The following KDM6A variants were observed in gnomAD, a reference collection of about 807,000 sequenced individuals.
KDM6A encodes lysine-specific demethylase 6A.
A neutral mutation model predicts 117.6 loss-of-function variants in KDM6A; 11 were observed. The ratio of observed to expected loss-of-function variants is 0.09; its 90% CI spans 0.06 to 0.15. The LOEUF is 0.15. KDM6A is among the 10% of genes least tolerant of loss of function. KDM6A has a pLI of 1.00. For missense variants in KDM6A, 799 were observed against 1,077.3 expected (o/e 0.74, Z 3.62); for synonymous variants, 384 against 396.1 (o/e 0.97, Z 0.36).
intron 2 of KDM6A, among the ~76,000 whole-genome samples, chrX:44,919,821 G>T (rs1279105075): frequency 9.1e-6 from 1 of 110,132 alleles, no homozygotes; most frequent in Admixed American, 9.7e-5. Context: ...TGTTGACCAG[G>T]CTGGTCTTGA....
At chrX:44,979,004 T>C (rs971428332) in intron 4 of KDM6A, among the ~76,000 whole-genome samples, 1 of 112,397 alleles carries the variant, frequency 8.9e-6, no homozygotes, top group African/African-American at 3.2e-5. Context: ...TTTGGGTTGT[T>C]TTCAGCTTTT....
intron 18 of KDM6A, among the ~76,000 whole-genome samples, chrX:45,074,096 C>T (rs755366328): frequency 9.0e-6 from 1 of 111,606 alleles, no homozygotes; most frequent in African/African-American, 3.3e-5. Flanking sequence ...TACATATGAC[C>T]AGCCAGTTTT....
intron 2 of KDM6A, among the ~76,000 whole-genome samples, chrX:44,918,002 T>C (rs977045789): frequency 1.8e-5 from 2 of 111,916 alleles, no homozygotes; most frequent in Non-Finnish European, 3.8e-5. Context: ...ACTGGACATA[T>C]TCTTGAGTGA....
chrX:45,082,365 C>T (rs1462270728), intron 21 of KDM6A: 2 of 404,450 alleles, frequency 4.9e-6, no homozygotes, highest in African/African-American at 5.1e-5. Context: ...GCCCAGGAGG[C>T]AGAGGTTGCA....
At chrX:44,889,781 A>G (rs1348154465) in intron 2 of KDM6A, among the ~76,000 whole-genome samples, 1 of 112,676 alleles carries the variant, frequency 8.9e-6, no homozygotes, top group Admixed American at 9.5e-5. Context: ...TGGACATCAC[A>G]TGACAGATTG....
chrX:45,065,260 A>T (rs1229260337), intron 17 of KDM6A, among the ~76,000 whole-genome samples: 1 of 111,883 alleles, frequency 8.9e-6, no homozygotes, highest in East Asian at 2.8e-4. Flanking sequence ...TGCACATTTG[A>T]GGAGAATCAA....
rs200573468 is a variant in KDM6A at position 44,900,348 on chromosome X, ATAGG to A, written c.225+26366_225+26369del. On this transcript the variant is annotated intron_variant, in intron 2 of 29. Transcript: ENST00000611820. The stretch of plus-strand genomic sequence containing the variant: ...AAATGAATAAGCAAGGGAAAACTTA[ATAGG>A]TAGGAGGCATTAGTCTTCCTTAGGC... Among the ~76,000 whole-genome samples the A allele has an allele frequency of 6.8e-3, 767 of 112,099 alleles. 6 individuals are homozygous for A. The highest frequency in any genetic ancestry group is 0.024 in the African/African-American group (730 of 30,881).
intron 9 of KDM6A, 80 bp downstream of exon 9, chrX:45,051,882 C>A: frequency 1.8e-6 from 1 of 543,717 alleles, no homozygotes; most frequent in Non-Finnish European, 3.1e-6. Flanking sequence ...AAATATGTGG[C>A]TCATATATTC....
chrX:44,911,823 G>T (rs1399023704), intron 2 of KDM6A, among the ~76,000 whole-genome samples: 2 of 112,015 alleles, frequency 1.8e-5, no homozygotes, highest in Non-Finnish European at 3.8e-5. Flanking sequence ...TTAGGAGCTG[G>T]AGACCAGCCC....
rs1432450743 is a variant in KDM6A, at chrX:45,069,649, C to T, written c.2150C>T (p.Pro717Leu). ...GAACGACCTCTCTCTTCCACTGGGCCTTCCCAGCATCTCCAGGCAGCTGGC... is the reference window on the plus strand; with the variant it reads ...GAACGACCTCTCTCTTCCACTGGGCTTTCCCAGCATCTCCAGGCAGCTGGC... ...NGERPLSSTG[P>L]SQHLQAAGSG... Residue 717 changes from proline (P) to leucine (L), a missense_variant, in exon 18 of 30, where the codon CCT becomes CTT. Around this residue, in one of 8 missense-constraint regions of KDM6A, gnomAD observed 301 missense variants for 318.3 expected, o/e 0.95. Coordinates refer to ENST00000611820, the MANE Select transcript of KDM6A (RefSeq NM_001291415.2). 1 of 1,210,405 alleles carries T rather than the reference C, an allele frequency of 8.3e-7. No homozygotes were observed. The highest frequency in any genetic ancestry group is 1.1e-6 in the Non-Finnish European group (1 of 894,494).
chrX:45,092,553 C>A (rs776904958), intron 27 of KDM6A, among the ~76,000 whole-genome samples: 6 of 111,574 alleles, frequency 5.4e-5, no homozygotes, highest in Admixed American at 1.9e-4. Flanking sequence ...TCCCATTCAA[C>A]AAATGTTTGA....
chrX:45,016,341 A>G (rs1033094678), intron 5 of KDM6A, among the ~76,000 whole-genome samples: 14 of 111,440 alleles, frequency 1.3e-4, no homozygotes, highest in African/African-American at 4.6e-4. Flanking sequence ...ATATTCTTTT[A>G]TTAGTATGAA....
intron 2 of KDM6A, among the ~76,000 whole-genome samples, chrX:44,916,471 C>T (rs2035563043): frequency 9.1e-6 from 1 of 110,423 alleles, no homozygotes; most frequent in African/African-American, 3.3e-5. Flanking sequence ...AAATTTTCCC[C>T]CTATGCTTTG....
At chrX:44,899,793 C>A (rs956349192) in intron 2 of KDM6A, among the ~76,000 whole-genome samples, 1 of 111,163 alleles carries the variant, frequency 9.0e-6, no homozygotes, top group Non-Finnish European at 1.9e-5. Flanking sequence ...CTATGGTACT[C>A]CATTTTGGTG....
At chrX:44,890,353 A>G (rs921483126) in intron 2 of KDM6A, among the ~76,000 whole-genome samples, 4 of 112,371 alleles carry the variant, frequency 3.6e-5, no homozygotes, top group Admixed American at 9.5e-5. Flanking sequence ...TAAAACTGCT[A>G]TGAACATTTG....
rs753819205 is a variant in KDM6A, at chrX:45,062,655, A to G, written c.1590A>G (p.Glu530=). ...TTTTGTTCTTCTTCTAGCATTTGGAACAGCTCCGCGCAAATAGAAATAATT... is the reference window on the plus strand; with the variant it reads ...TTTTGTTCTTCTTCTAGCATTTGGAGCAGCTCCGCGCAAATAGAAATAATT... ...CLTPQKLQHL[E]QLRANRNNLN... The change falls in exon 16 of 30, where the codon GAA becomes GAG. Residue 530 remains glutamate (E), a synonymous_variant. Transcript: ENST00000611820. The G allele has an allele frequency of 5.9e-6, 7 of 1,196,417 alleles. No homozygotes were observed. In the South Asian group the frequency reaches 1.1e-4, roughly 18 times the overall value.
At chrX:44,903,505 T>C (rs954170534) in intron 2 of KDM6A, among the ~76,000 whole-genome samples, 1 of 112,148 alleles carries the variant, frequency 8.9e-6, no homozygotes, top group African/African-American at 3.2e-5. Context: ...TGGAAAACTT[T>C]CAGCCATTAT....
chrX:44,947,404 T>TG (rs1279246699), intron 2 of KDM6A, among the ~76,000 whole-genome samples: 1 of 109,332 alleles, frequency 9.1e-6, no homozygotes, highest in Non-Finnish European at 1.9e-5. Flanking sequence ...TTTTTTTTTT[T>TG]TTTGAGTGTC....
chrX:45,037,586 T>G, intron 7 of KDM6A, 69 bp from the exon 8 acceptor site: 1 of 831,602 alleles, frequency 1.2e-6, no homozygotes, highest in African/African-American at 2.0e-5. Flanking sequence ...GCTTTGTTAT[T>G]CTTACTTAAT....
Sources: allele counts gnomAD v4.1 joint callset (sites outside exome capture counted in the v4.1 genomes callset), GRCh38; gene constraint gnomAD v4.1.1; regional missense constraint gnomAD v4.1.1; transcripts MANE v1.5; gene names NCBI Gene and HGNC (gene_info 2026-07-23, HGNC 2026-07-21).